Variants in MROH6 observed in about 807,000 individuals in gnomAD.
MROH6 encodes maestro heat-like repeat-containing protein family member 6.
Under a neutral mutation model 67.7 loss-of-function variants are expected in MROH6, and 62 were observed. That is an observed-to-expected ratio of 0.92 (90% CI 0.75 to 1.13). The LOEUF (loss-of-function observed/expected upper bound fraction) is 1.13, where lower values mean the gene tolerates loss of function less well. Ranked by LOEUF, MROH6 falls within the 50% of genes most tolerant of loss-of-function variation. The pLI, the probability that MROH6 is intolerant of heterozygous loss-of-function variation, is 0.00. For missense variants in MROH6, 1,175 were observed against 1,029.1 expected, an observed-to-expected ratio of 1.14 and a Z score of -1.94; for synonymous variants, 566 against 470.8, an observed-to-expected ratio of 1.20 and a Z score of -2.62.
chr8:143,567,138 A>G lies in MROH6; in HGVS notation c.*101T>C. ...GGGGTGGGGGAGGGCATTGGCGTCC[A>G]GCACCAGGCCCAGGGAGCCCCTCCG... On this transcript the variant is annotated 3_prime_UTR_variant, in exon 14 of 14. Coordinates refer to ENST00000398882, the MANE Select transcript of MROH6 (RefSeq NM_001100878.2). 1 of 598,428 alleles carries G rather than the reference A, an allele frequency of 1.7e-6. No individual in the cohort carries two copies. Among genetic ancestry groups the G allele is most frequent in the Non-Finnish European group, 2.4e-6 (1 of 419,092 alleles). 37.1% of individuals were successfully genotyped at this position (598,428 alleles called of 1,614,324 possible). A position where few individuals can be genotyped will look rare whatever the true frequency, so the allele number is the denominator to read the frequency against.
At position 143,569,527 on chromosome 8, in the gene MROH6, GGGCGCCCAGC is replaced by G; in HGVS notation, c.1380_1389del (p.Leu461Ter). 1 of 1,507,280 alleles carries G rather than the reference GGGCGCCCAGC, an allele frequency of 6.6e-7. No homozygotes were observed. The highest frequency in any genetic ancestry group is 2.6e-5 in the East Asian group (1 of 38,312). The allele number at this position is 1,507,280 out of a possible 1,614,324, so 93.4% of individuals were successfully genotyped here. A position where few individuals can be genotyped will look rare whatever the true frequency, so the allele number is the denominator to read the frequency against. ...CGGGGCCGCAGCAGGAGCCTCCTCA[GGGCGCCCAGC>G]GCTGCACCCACGAGCCGCGCGTCGC... On this transcript the variant is annotated frameshift_variant, in exon 9 of 14. Coordinates refer to ENST00000398882, the MANE Select transcript of MROH6 (RefSeq NM_001100878.2). LOFTEE classifies it high-confidence loss of function.
intron 9 of MROH6, 88 bp downstream of exon 9, chr8:143,569,353 C>T (rs1284814220): frequency 4.0e-6 from 4 of 989,166 alleles, no homozygotes; most frequent in African/African-American, 7.7e-5. Flanking sequence ...GCGGGAGAGA[C>T]GGGGGCGGGG....
At position 143,572,350 on chromosome 8, in the gene MROH6, C is replaced by G. The variant is rs1357884404; in HGVS notation, c.294+71G>C. On this transcript the variant is annotated intron_variant, in intron 1 of 13. Coordinates refer to ENST00000398882, the MANE Select transcript of MROH6 (RefSeq NM_001100878.2). ...CGGGGCCAGCACCGCCCCCCTGCCA[C>G]CCCGCCTTCCACCTACCATCCACAG... 14 of 1,482,380 alleles carry G rather than the reference C, an allele frequency of 9.4e-6. No individual in the cohort carries two copies. The East Asian group carries it at 1.9e-4, about 21-fold the overall frequency. The allele number at this position is 1,482,380 out of a possible 1,614,324, so 91.8% of individuals were successfully genotyped here.
Position 143,570,408 on chromosome 8 carries a change from G to A in MROH6, c.906-28C>T, listed in dbSNP as rs149334246. The A allele has an allele frequency of 3.1e-4, 505 of 1,606,748 alleles. 2 individuals carry two copies. In the African/African-American group the frequency reaches 6.0e-3, roughly 19 times the overall value. On this transcript the variant is annotated intron_variant, in intron 5 of 13. Coordinates refer to ENST00000398882, the MANE Select transcript of MROH6 (RefSeq NM_001100878.2). ...GGTGGTGGGGACAGTGAGCAGGTGG[G>A]CAGTGGGAGCTGAGAGGGTGACAGC... is the stretch of plus-strand genomic sequence containing the variant.
chr8:143,569,695 A>C lies in MROH6; in HGVS notation c.1302+2T>G, dbSNP rs948199781. ...CTCTCCACCCCTCCCCTTCTCTCAC[A>C]CCTTCCTGCGATTCAGCGCGAGGTG... On this transcript the variant is annotated splice_donor_variant, in intron 8 of 13. Transcript: ENST00000398882. LOFTEE classifies it high-confidence loss of function. 8.1e-6 allele frequency: 13 copies of C among 1,612,144 alleles called. No homozygotes were observed. The highest frequency in any genetic ancestry group is 1.1e-5 in the Non-Finnish European group (13 of 1,179,218).
intron 12 of MROH6, 27 bp from the exon 13 acceptor site, chr8:143,567,703 A>G: frequency 6.3e-7 from 1 of 1,576,824 alleles, no homozygotes; most frequent in Non-Finnish European, 8.6e-7. Flanking sequence ...GCATGAGTGC[A>G]GGCCCCACAG....
Position 143,572,048 on chromosome 8 carries a change from C to T in MROH6, c.432G>A (p.Glu144=). 6.2e-7 allele frequency: 1 copy of T among 1,611,596 alleles called. No homozygotes were observed. The highest frequency in any genetic ancestry group is 8.5e-7 in the Non-Finnish European group (1 of 1,179,248). ...GAAGGCTGACCTGGTCCTCCAACCG[C>T]TCGCCCCGGGCCTCCAGGGCTGAGG... ...TLSSALEARG[E]RLEDQVHALV... Residue 144 remains glutamate, a synonymous_variant, in exon 2 of 14, where the codon GAG becomes GAA. Transcript: ENST00000398882.
At chr8:143,570,181 CCTGGCCAGCAA>C in intron 6 of MROH6, 51 bp downstream of exon 6, 1 of 1,559,032 alleles carries the variant, frequency 6.4e-7, no homozygotes. Flanking sequence ...CTGCCCAGCA[CCTGGCCAGCAA>C]CGACTCTCTT....
rs1473240791 is a variant in MROH6, at chr8:143,572,559, A to G, written c.156T>C (p.Pro52=). ...GTGCCTGGGTCTGTGGCTCAGCCTC[A>G]GGTTTGACCTCCCAGGACTTGGGCT... ...GPQPKSWEVK[P]EAEPQTQALT... Residue 52 remains proline (P), a synonymous_variant, in exon 1 of 14, where the codon CCT becomes CCC. Transcript: ENST00000398882. 1 of 1,606,694 alleles carries G rather than the reference A, an allele frequency of 6.2e-7. No individual in the cohort carries two copies. The highest frequency in any genetic ancestry group is 8.5e-7 in the Non-Finnish European group (1 of 1,177,738).
intron 10 of MROH6, 111 bp downstream of exon 10, chr8:143,568,441 G>A (rs1270639384): frequency 2.8e-6 from 4 of 1,442,242 alleles, no homozygotes; most frequent in Non-Finnish European, 3.7e-6. Context: ...ACCTGCCACT[G>A]AGGTCCTTGG....
chr8:143,570,641 C>A lies in MROH6; in HGVS notation c.737G>T (p.Gly246Val), dbSNP rs774623622. ...PQALAATRAL[G>V]EMLAVSGCVG... Reference sequence around the variant, plus strand: ...GCAGCCCGAAACAGCCAGCATCTCCCCAAGAGCACGTGTGGCCTGTGGAGC... The same window carrying A: ...GCAGCCCGAAACAGCCAGCATCTCCACAAGAGCACGTGTGGCCTGTGGAGC... The change falls in exon 5 of 14, where the codon GGG (glycine) becomes GTG (valine). Residue 246 changes from glycine to valine, a missense_variant. Physicochemically the swap from Gly to Val is moderately radical, Grantham distance 109 (BLOSUM62 -3). Coordinates refer to ENST00000398882, the MANE Select transcript of MROH6 (RefSeq NM_001100878.2). 1.9e-6 allele frequency: 3 copies of A among 1,597,424 alleles called. No individual in the cohort carries two copies. Among genetic ancestry groups the A allele is most frequent in the Non-Finnish European group, 2.5e-6 (3 of 1,178,670 alleles).
intron 10 of MROH6, 46 bp downstream of exon 10, chr8:143,568,506 G>C (rs1055997888): frequency 1.4e-6 from 2 of 1,480,004 alleles, no homozygotes; most frequent in African/African-American, 2.8e-5. Flanking sequence ...TGGGAGTGGT[G>C]AGTGTTGGAT....
intron 9 of MROH6, 64 bp from the exon 10 acceptor site, chr8:143,568,783 C>A: frequency 8.0e-7 from 1 of 1,246,294 alleles, no homozygotes; most frequent in Non-Finnish European, 1.1e-6. Context: ...TGGGAGGGGG[C>A]GGCCAGCGCG....
rs1483449608 is a variant in MROH6, at chr8:143,571,613, G to T, written c.602+54C>A. 6.5e-6 allele frequency: 10 copies of T among 1,545,160 alleles called. No individual in the cohort carries two copies. In the East Asian group the frequency reaches 2.4e-4, roughly 38 times the overall value. The stretch of plus-strand genomic sequence containing the variant: ...CTGGGGCCAGACTCCACCGCCAAGC[G>T]GGAAGAGGGAAGGAAGCCGCGTGGG... On this transcript the variant is annotated intron_variant, in intron 3 of 13. Transcript: ENST00000398882.
At position 143,567,378 on chromosome 8, in the gene MROH6, GC is replaced by G; in HGVS notation, c.2020del (p.Ala674ProfsTer145). On this transcript the variant is annotated frameshift_variant, in exon 14 of 14. Transcript: ENST00000398882. LOFTEE classifies it low-confidence loss of function (END_TRUNC). ...GCGGGGCCCGCGGGGGCAGCCCCGG[GC>G]ACGGGCCAGCATCGCCACCTGCTGA... is the stretch of plus-strand genomic sequence containing the variant. ...SAQQVAMLAR[A>X]RGCPRGPRLL... 8.1e-7 allele frequency: 1 copy of G among 1,237,792 alleles called. No individual in the cohort carries two copies. Among genetic ancestry groups the G allele is most frequent in the Middle Eastern group, 3.1e-4 (1 of 3,214 alleles). The allele number at this position is 1,237,792 out of a possible 1,614,324, so 76.7% of individuals were successfully genotyped here. A position where few individuals can be genotyped will look rare whatever the true frequency, so the allele number is the denominator to read the frequency against.
Position 143,570,512 on chromosome 8 carries a change from C to A in MROH6, c.866G>T (p.Trp289Leu). The A allele has an allele frequency of 6.2e-7, 1 of 1,612,804 alleles. No individual in the cohort carries two copies. Among genetic ancestry groups the A allele is most frequent in the Admixed American group, 1.7e-5 (1 of 60,012 alleles). The part of the protein sequence containing the change: ...SPCSPDMPKI[W>L]VLSHRGPPHS... ...TGGTGGCCCTCGGTGGGACAGAACC[C>A]AAATCTTGGGCATGTCGGGGGAGCA... is the stretch of plus-strand genomic sequence containing the variant. The change falls in exon 5 of 14, where the codon TGG becomes TTG. Residue 289 changes from tryptophan to leucine, a missense_variant. By Grantham distance (61) the Trp-to-Leu change is moderately conservative. Transcript: ENST00000398882.
chr8:143,567,626 C>A lies in MROH6; in HGVS notation c.1918G>T (p.Asp640Tyr). ...GGGGCCTCACCCTGGAACAGGGAGT[C>A]CAGCAGGTCCTGGTTGACACAGCCG... The part of the protein sequence containing the change: ...SPGCVNQDLL[D>Y]SLFQDLGRLQ... The change falls in exon 13 of 14, where the codon GAC (aspartate) becomes TAC (tyrosine). Residue 640 changes from aspartate to tyrosine, a missense_variant. By Grantham distance (160) the Asp-to-Tyr change is radical. Coordinates refer to ENST00000398882, the MANE Select transcript of MROH6 (RefSeq NM_001100878.2). The A allele has an allele frequency of 1.3e-6, 2 of 1,566,586 alleles. No homozygotes were observed. Among genetic ancestry groups the A allele is most frequent in the Non-Finnish European group, 1.7e-6 (2 of 1,156,476 alleles).
chr8:143,567,118 G>A lies in MROH6; in HGVS notation c.*121C>T, dbSNP rs1231089720. On this transcript the variant is annotated 3_prime_UTR_variant, in exon 14 of 14. Transcript: ENST00000398882. ...AAGAGGGGTCACGGGGGTGGGGGGT[G>A]GGGGAGGGCATTGGCGTCCAGCACC... The A allele has an allele frequency of 4.6e-6, 2 of 431,048 alleles. No homozygotes were observed. The highest frequency in any genetic ancestry group is 7.3e-6 in the Non-Finnish European group (2 of 275,020). The allele number at this position is 431,048 out of a possible 1,614,324, so 26.7% of individuals were successfully genotyped here.
In MROH6 at chr8:143,570,646, A is replaced by G; in HGVS notation, c.732T>C (p.Ala244=). The G allele has an allele frequency of 6.3e-7, 1 of 1,596,662 alleles. No individual in the cohort carries two copies. Among genetic ancestry groups the G allele is most frequent in the South Asian group, 1.1e-5 (1 of 90,680 alleles). ...PEPQALAATR[A]LGEMLAVSGC... Reference sequence around the variant, plus strand: ...CCGAAACAGCCAGCATCTCCCCAAGAGCACGTGTGGCCTGTGGAGCAAGTG... The same window carrying G: ...CCGAAACAGCCAGCATCTCCCCAAGGGCACGTGTGGCCTGTGGAGCAAGTG... The change falls in exon 5 of 14, where the codon GCT becomes GCC. Residue 244 remains alanine (A), a synonymous_variant. Coordinates refer to ENST00000398882, the MANE Select transcript of MROH6 (RefSeq NM_001100878.2).
Sources: gnomAD v4.1 joint callset for allele counts on GRCh38, gnomAD v4.1.1 for gene constraint, MANE v1.5 for transcripts, NCBI Gene and HGNC (gene_info 2026-07-23, HGNC 2026-07-21) for gene names.